INPP4B: variants seen among roughly 807,000 people sequenced by gnomAD.
The protein encoded by INPP4B is inositol polyphosphate 4-phosphatase type II.
INPP4B carries 55 observed loss-of-function variants against 122.5 expected under a neutral mutation model. That is an observed-to-expected ratio of 0.45 (90% confidence interval 0.36 to 0.56). INPP4B has a LOEUF of 0.56. Ranked by LOEUF, INPP4B falls within the 20% of genes least tolerant of loss-of-function variation. The pLI is 0.00. For synonymous variants in INPP4B, 403 were observed against 388.7 expected (o/e 1.04, Z -0.43); for missense variants, 1,000 against 1,097.7 (o/e 0.91, Z 1.26).
At chr4:142,298,973 T>A (rs1760076031) in intron 9 of INPP4B, among the ~76,000 whole-genome samples, 1 of 152,066 alleles carries the variant, frequency 6.6e-6, no homozygotes, top group African/African-American at 2.4e-5. Flanking sequence ...GAGTGTTATT[T>A]ACCTCTCCCT....
intron 18 of INPP4B, 116 bp from the exon 19 acceptor site, chr4:142,124,876 G>T: frequency 4.0e-6 from 3 of 742,422 alleles, no homozygotes; most frequent in South Asian, 6.1e-5. Flanking sequence ...TATTCTTAAG[G>T]ATTCACAAAG....
chr4:142,257,746 T>A (rs1439230436), intron 11 of INPP4B, among the ~76,000 whole-genome samples: 3 of 152,156 alleles, frequency 2.0e-5, no homozygotes, highest in Non-Finnish European at 4.4e-5. Flanking sequence ...ATGGGTAGGA[T>A]GAATCAATAT....
rs909490479 is a variant in INPP4B, at chr4:142,491,482, C to T, written c.-190-28756G>A. On this transcript the variant is annotated intron_variant, in intron 2 of 25. Coordinates refer to ENST00000262992, the MANE Select transcript of INPP4B (RefSeq NM_001101669.3). Reference sequence around the variant, plus strand: ...CAGCCTGACCAACATGGTGAAATCCCGTCTCTATTAAAAAGACAAAAAAAA... The same window carrying T: ...CAGCCTGACCAACATGGTGAAATCCTGTCTCTATTAAAAAGACAAAAAAAA... Among the ~76,000 whole-genome samples, 15 of 152,026 alleles carry T rather than the reference C, an allele frequency of 9.9e-5. No homozygotes were observed. The South Asian group carries it at 1.2e-3, about 13-fold the overall frequency.
chr4:142,085,520 G>A (rs958954341), intron 24 of INPP4B, among the ~76,000 whole-genome samples: 28 of 152,156 alleles, frequency 1.8e-4, no homozygotes, highest in Non-Finnish European at 1.5e-5. Context: ...TACCAGATAA[G>A]AGCCTTAAAA....
intron 7 of INPP4B, among the ~76,000 whole-genome samples, chr4:142,377,142 G>GA (rs34298457): frequency 4.7e-5 from 7 of 148,590 alleles, no homozygotes; most frequent in East Asian, 4.0e-4. Context: ...TTTCTCACAG[G>GA]AAAAAAAAAA....
chr4:142,639,060 C>A (rs1188474370), intron 2 of INPP4B, among the ~76,000 whole-genome samples: 3 of 152,120 alleles, frequency 2.0e-5, no homozygotes, highest in Non-Finnish European at 4.4e-5. Flanking sequence ...TCCTACCTTG[C>A]TGAAGTGTTG....
At position 142,806,757 on chromosome 4, in the gene INPP4B, GAAGA is replaced by G. The variant is rs1316720661; in HGVS notation, c.-254+39448_-254+39451del. On this transcript the variant is annotated intron_variant, in intron 1 of 25. Coordinates refer to ENST00000262992, the MANE Select transcript of INPP4B (RefSeq NM_001101669.3). ...AGACCCTGTTAAAAAAAAAGAAGAA[GAAGA>G]AAGAAGAAAGAAAGAAAGAAAGAAG... is the stretch of plus-strand genomic sequence containing the variant. Among the ~76,000 whole-genome samples the G allele has an allele frequency of 6.1e-4, 42 of 69,038 alleles. 2 individuals carry two copies. Among genetic ancestry groups the G allele is most frequent in the Admixed American group, 2.8e-3 (16 of 5,682 alleles). The allele number at this position is 69,038 out of a possible 152,430, so 45.3% of individuals were successfully genotyped here.
chr4:142,640,170 A>G (rs1174154622), intron 2 of INPP4B, among the ~76,000 whole-genome samples: 2 of 152,314 alleles, frequency 1.3e-5, no homozygotes, highest in African/African-American at 2.4e-5. Flanking sequence ...TAATAAGAGC[A>G]CTAACAGATA....
chr4:142,044,761 G>A (rs553129658), intron 25 of INPP4B, among the ~76,000 whole-genome samples: 26 of 152,050 alleles, frequency 1.7e-4, no homozygotes, highest in Non-Finnish European at 2.8e-4. Context: ...TCTTTTTGTC[G>A]TTGTTTCTCA....
intron 1 of INPP4B, among the ~76,000 whole-genome samples, chr4:142,747,316 A>T (rs1472811935): frequency 2.0e-5 from 3 of 152,286 alleles, no homozygotes; most frequent in South Asian, 2.1e-4. Flanking sequence ...CAAAACCACG[A>T]TGACATACCA....
intron 25 of INPP4B, among the ~76,000 whole-genome samples, chr4:142,077,992 G>A (rs775136042): frequency 5.9e-4 from 90 of 151,366 alleles, no homozygotes; most frequent in Non-Finnish European, 1.0e-3. Context: ...CTGATGGGCT[G>A]TGAGGGTTAA....
intron 11 of INPP4B, among the ~76,000 whole-genome samples, chr4:142,252,313 C>T (rs937924972): frequency 4.6e-5 from 7 of 151,242 alleles, no homozygotes; most frequent in African/African-American, 9.7e-5. Flanking sequence ...CTCAGCCTCC[C>T]GAGTAGCTGG....
intron 1 of INPP4B, among the ~76,000 whole-genome samples, chr4:142,833,663 G>A (rs1172093935): frequency 1.3e-5 from 2 of 151,694 alleles, no homozygotes; most frequent in Non-Finnish European, 2.9e-5. Flanking sequence ...GTATTGCTAT[G>A]TTATCCAGGC....
intron 2 of INPP4B, among the ~76,000 whole-genome samples, chr4:142,669,945 G>A (rs904069511): frequency 1.3e-5 from 2 of 152,150 alleles, no homozygotes; most frequent in East Asian, 3.9e-4. Flanking sequence ...CAAAAAATTT[G>A]AAGATACAGG....
chr4:142,542,798 T>C (rs1829093898), intron 2 of INPP4B, among the ~76,000 whole-genome samples: 2 of 152,172 alleles, frequency 1.3e-5, no homozygotes, highest in South Asian at 4.1e-4. Flanking sequence ...GATTGTCATC[T>C]CCTAATACTC....
intron 23 of INPP4B, among the ~76,000 whole-genome samples, chr4:142,093,730 A>T (rs1780596677): frequency 1.3e-5 from 2 of 152,182 alleles, no homozygotes; most frequent in Non-Finnish European, 2.9e-5. Context: ...CACCAAAACC[A>T]GCTTTATTTA....
At chr4:142,283,054 G>A (rs1026351523) in intron 9 of INPP4B, among the ~76,000 whole-genome samples, 3 of 152,044 alleles carry the variant, frequency 2.0e-5, no homozygotes, top group Non-Finnish European at 4.4e-5. Flanking sequence ...AACTGTAGGG[G>A]GCAGAGAGGA....
intron 23 of INPP4B, among the ~76,000 whole-genome samples, chr4:142,091,077 T>C (rs1779315771): frequency 6.6e-6 from 1 of 152,120 alleles, no homozygotes; most frequent in South Asian, 2.1e-4. Context: ...GATGTTCTCA[T>C]AGGAGGGGAG....
intron 2 of INPP4B, among the ~76,000 whole-genome samples, chr4:142,481,833 T>G (rs75278612): frequency 0.032 from 4,822 of 152,284 alleles, 335 homozygotes; most frequent in East Asian, 0.31. Flanking sequence ...TATTGAGAAC[T>G]GGCTATTTCC....
Sources: allele counts gnomAD v4.1 joint callset (sites outside exome capture counted in the v4.1 genomes callset), GRCh38; gene constraint gnomAD v4.1.1; transcripts MANE v1.5; gene names NCBI Gene and HGNC (gene_info 2026-07-23, HGNC 2026-07-21).